The following JMJD1C variants were observed in gnomAD, a reference collection of about 807,000 sequenced individuals.
JMJD1C encodes jumonji domain containing 1C, also known as jumonji domain-containing protein 1C.
In JMJD1C, 31 loss-of-function variants were observed where a neutral mutation model predicts 245.3. The ratio of observed to expected loss-of-function variants is 0.13; its 90% CI spans 0.09 to 0.17. The LOEUF (loss-of-function observed/expected upper bound fraction) is 0.17. Among genes scored for constraint, JMJD1C ranks in the 10% least tolerant of loss-of-function variants. The pLI is 1.00. For missense variants in JMJD1C, 2,691 were observed against 3,000.2 expected (o/e 0.90, Z 2.41); for synonymous variants, 1,057 against 1,017.4 (o/e 1.04, Z -0.74).
intron 2 of JMJD1C, among the ~76,000 whole-genome samples, chr10:63,367,755 C>T (rs1564840221): frequency 6.6e-6 from 1 of 152,158 alleles, no homozygotes; most frequent in African/African-American, 2.4e-5. Flanking sequence ...GACCCATGCA[C>T]AGAACTTACA....
chr10:63,421,698 G>A (rs1018958334), intron 1 of JMJD1C, among the ~76,000 whole-genome samples: 1 of 152,174 alleles, frequency 6.6e-6, no homozygotes, highest in African/African-American at 2.4e-5. Flanking sequence ...GAGATCATAT[G>A]GGTGAGACCC....
intron 3 of JMJD1C, among the ~76,000 whole-genome samples, chr10:63,236,144 A>C (rs574419761): frequency 6.6e-6 from 1 of 152,332 alleles, no homozygotes; most frequent in Non-Finnish European, 1.5e-5. Flanking sequence ...CGGTTACAGC[A>C]ATATTACATT....
intron 2 of JMJD1C, among the ~76,000 whole-genome samples, chr10:63,283,763 G>A (rs191679605): frequency 2.5e-4 from 38 of 151,978 alleles, no homozygotes; most frequent in African/African-American, 7.7e-4. Context: ...ACAATATTTT[G>A]TTTTAACTTT....
intron 2 of JMJD1C, among the ~76,000 whole-genome samples, chr10:63,265,166 T>A (rs1275711127): frequency 7.9e-5 from 12 of 152,152 alleles, no homozygotes; most frequent in Non-Finnish European, 1.5e-5. Context: ...AGAGTAGTTA[T>A]TATTTCAATG....
chr10:63,180,908 A>T (rs1843397862), intron 22 of JMJD1C, among the ~76,000 whole-genome samples: 2 of 151,482 alleles, frequency 1.3e-5, no homozygotes, highest in South Asian at 4.2e-4. Flanking sequence ...AGCTGGGACT[A>T]CAGGCGCCCG....
chr10:63,237,306 G>C (rs935128396), intron 3 of JMJD1C, among the ~76,000 whole-genome samples: 3 of 152,024 alleles, frequency 2.0e-5, no homozygotes, highest in African/African-American at 7.3e-5. Flanking sequence ...CCAAAGAGCT[G>C]GGATTACAGG....
At chr10:63,194,563 A>T (rs1014412999) in intron 13 of JMJD1C, 188 bp from the exon 14 acceptor site, 1 of 462,500 alleles carries the variant, frequency 2.2e-6, no homozygotes, top group Non-Finnish European at 3.9e-6. Flanking sequence ...GTTCTGAAAC[A>T]AGTCAGGAAA....
At chr10:63,282,586 C>T (rs1857535658) in intron 2 of JMJD1C, among the ~76,000 whole-genome samples, 1 of 152,178 alleles carries the variant, frequency 6.6e-6, no homozygotes, top group Non-Finnish European at 1.5e-5. Context: ...AAGTTCTTCC[C>T]TTTCTAGCAT....
chr10:63,193,784 A>C (rs1845126006), intron 14 of JMJD1C: 1 of 189,956 alleles, frequency 5.3e-6, no homozygotes, highest in Non-Finnish European at 1.1e-5. Context: ...CTCCTGCCTC[A>C]GCCTCCCAAG....
chr10:63,308,664 A>G (rs1158909804), intron 2 of JMJD1C, among the ~76,000 whole-genome samples: 1 of 151,340 alleles, frequency 6.6e-6, no homozygotes, highest in Non-Finnish European at 1.5e-5. Flanking sequence ...ACCTCCCAGA[A>G]AGAAGAATAA....
At chr10:63,365,862 CCT>C (rs2134394505) in intron 2 of JMJD1C, among the ~76,000 whole-genome samples, 4 of 152,222 alleles carry the variant, frequency 2.6e-5, no homozygotes, top group African/African-American at 9.6e-5. Flanking sequence ...TGGCTTCTGC[CCT>C]CAGCTACTGG....
chr10:63,401,872 C>T (rs1223011352), intron 1 of JMJD1C, among the ~76,000 whole-genome samples: 5 of 152,072 alleles, frequency 3.3e-5, no homozygotes, highest in Non-Finnish European at 7.3e-5. Context: ...CAGTAGCTCA[C>T]GCCTGTAATC....
intron 1 of JMJD1C, among the ~76,000 whole-genome samples, chr10:63,476,403 C>A (rs376071828): frequency 5.3e-4 from 81 of 152,088 alleles, no homozygotes; most frequent in African/African-American, 1.9e-3. Flanking sequence ...AGCATAAATA[C>A]GATTTACCAT....
chr10:63,170,720 A>AGAT (rs1842268090), intron 24 of JMJD1C, among the ~76,000 whole-genome samples: 1 of 152,192 alleles, frequency 6.6e-6, no homozygotes, highest in Non-Finnish European at 1.5e-5. Flanking sequence ...AGTGCTTACA[A>AGAT]GATGCTATTA....
intron 3 of JMJD1C, among the ~76,000 whole-genome samples, chr10:63,239,349 G>A (rs1851192162): frequency 6.6e-6 from 1 of 152,162 alleles, no homozygotes; most frequent in Non-Finnish European, 1.5e-5. Context: ...TTACGATAGA[G>A]GAGAAGGGAC....
At chr10:63,176,798 A>AT (rs10577726) in intron 23 of JMJD1C, 10,732 of 135,504 alleles carry the variant, frequency 0.079, 1,091 homozygotes, top group African/African-American at 0.25. Flanking sequence ...GGAACAGGGT[A>AT]TTTTTTTTTT....
intron 19 of JMJD1C, 108 bp downstream of exon 19, chr10:63,186,107 C>T (rs1844098993): frequency 1.2e-6 from 1 of 829,960 alleles, no homozygotes; most frequent in Admixed American, 2.8e-5. Flanking sequence ...TTTTATTAGA[C>T]AACATAAAAC....
intron 2 of JMJD1C, among the ~76,000 whole-genome samples, chr10:63,292,091 A>G (rs1479320283): frequency 7.1e-6 from 1 of 141,352 alleles, no homozygotes; most frequent in Non-Finnish European, 1.5e-5. Context: ...GCTGGGAACT[A>G]TAGGCACACG....
At chr10:63,195,877 C>T (rs1042144936) in intron 13 of JMJD1C, among the ~76,000 whole-genome samples, 8 of 151,962 alleles carry the variant, frequency 5.3e-5, no homozygotes, top group African/African-American at 1.5e-4. Context: ...TGCAGTGAGC[C>T]GAGATTGCGC....
Sources: allele counts gnomAD v4.1 joint callset (sites outside exome capture counted in the v4.1 genomes callset), GRCh38; gene constraint gnomAD v4.1.1; transcripts MANE v1.5; gene names NCBI Gene and HGNC (gene_info 2026-07-23, HGNC 2026-07-21).